The following OXR1 variants were observed in gnomAD, a reference collection of about 807,000 sequenced individuals.
OXR1 encodes the protein oxidation resistance 1, also known as oxidation resistance protein 1.
Under a neutral mutation model 104.6 loss-of-function variants are expected in OXR1, and 41 were observed. The ratio of observed to expected loss-of-function variants is 0.39; its 90% CI spans 0.31 to 0.51. The LOEUF is 0.51. OXR1 is among the 20% of genes least tolerant of loss of function. OXR1 has a pLI of 0.77. For missense variants in OXR1, 955 were observed against 1,031.9 expected (o/e 0.93, Z 1.02); for synonymous variants, 348 against 348.4 (o/e 1.00, Z 0.01).
chr8:106,286,372 GGT>G (rs1491492789), intron 1 of OXR1, among the ~76,000 whole-genome samples: 4 of 105,366 alleles, frequency 3.8e-5, no homozygotes, highest in Admixed American at 9.1e-5. Context: ...TTTAAGTTAG[GGT>G]TTTTTTTTTT....
In OXR1 at chr8:106,392,936, G is replaced by A. The variant is rs192540000; in HGVS notation, c.23+33300G>A. 6.2e-4 allele frequency among the ~76,000 whole-genome samples: 94 copies of A among 152,164 alleles called. No individual in the cohort carries two copies. The East Asian group carries it at 0.013, about 20-fold the overall frequency. On this transcript the variant is annotated intron_variant, in intron 2 of 16. Coordinates refer to ENST00000517566, the MANE Select transcript of OXR1 (RefSeq NM_001198533.2). ...TGTTCTTTAGATTTTCTTGCCATAC[G>A]CAGCTTCAAAACAATTACCCAAGCT...
At chr8:106,624,521 C>A (rs1002020401) in intron 3 of OXR1, among the ~76,000 whole-genome samples, 2 of 152,010 alleles carry the variant, frequency 1.3e-5, no homozygotes, top group African/African-American at 4.8e-5. Context: ...AGGAACAGAA[C>A]AAATACCAGT....
chr8:106,641,895 GTTGT>G (rs1416038628), intron 3 of OXR1, among the ~76,000 whole-genome samples: 3 of 152,048 alleles, frequency 2.0e-5, no homozygotes, highest in African/African-American at 7.2e-5. Flanking sequence ...TGAGGCTTGT[GTTGT>G]TTAACAATTT....
chr8:106,748,140 T>A (rs1282654008), intron 16 of OXR1, among the ~76,000 whole-genome samples: 2 of 152,244 alleles, frequency 1.3e-5, no homozygotes, highest in East Asian at 3.8e-4. Context: ...ACCATAAACT[T>A]TTTAATTCAA....
intron 3 of OXR1, among the ~76,000 whole-genome samples, chr8:106,554,395 A>C (rs1349739): frequency 0.92 from 140,647 of 152,252 alleles, 65,020 homozygotes; most frequent in East Asian, 1. Context: ...TATGTTATAT[A>C]AATTTCACCT....
intron 7 of OXR1, chr8:106,697,548 G>C: frequency 1.2e-6 from 2 of 1,611,524 alleles, no homozygotes; most frequent in Non-Finnish European, 8.5e-7. Context: ...GATTCTCCTT[G>C]GATTTCTTAG....
At chr8:106,308,294 T>C (rs1213609849) in intron 1 of OXR1, among the ~76,000 whole-genome samples, 1 of 152,138 alleles carries the variant, frequency 6.6e-6, no homozygotes, top group Admixed American at 6.5e-5. Context: ...CTCCACCTTT[T>C]TGTTTATGTA....
Position 106,438,554 on chromosome 8 carries a change from G to C in OXR1, c.23+78918G>C, listed in dbSNP as rs150646002. 3.5e-3 allele frequency among the ~76,000 whole-genome samples: 527 copies of C among 152,156 alleles called. 3 individuals carry two copies. Among genetic ancestry groups the C allele is most frequent in the African/African-American group, 0.011 (467 of 41,516 alleles). ...TATGGCTTATATGATATGGCTATTG[G>C]ATGGCACTGGGTTTCCTGCTTTGGA... is the stretch of plus-strand genomic sequence containing the variant. On this transcript the variant is annotated intron_variant, in intron 2 of 16. Transcript: ENST00000517566.
chr8:106,432,444 T>G (rs955558967), intron 2 of OXR1, among the ~76,000 whole-genome samples: 28 of 152,182 alleles, frequency 1.8e-4, no homozygotes, highest in Non-Finnish European at 7.3e-5. Flanking sequence ...TCTTTGCTGT[T>G]TAGAGAGCAC....
chr8:106,607,226 A>G (rs1049389064), intron 3 of OXR1, among the ~76,000 whole-genome samples: 15 of 152,222 alleles, frequency 9.9e-5, no homozygotes, highest in African/African-American at 3.4e-4. Context: ...AATGCCAGCC[A>G]TTCTGTCGAG....
intron 2 of OXR1, among the ~76,000 whole-genome samples, chr8:106,476,342 C>G (rs192425574): frequency 6.6e-6 from 1 of 151,876 alleles, no homozygotes; most frequent in Non-Finnish European, 1.5e-5. Flanking sequence ...TAACTCAAAG[C>G]GTTGATGAAC....
chr8:106,506,116 TTC>T (rs1210236380), intron 2 of OXR1, among the ~76,000 whole-genome samples: 1 of 152,214 alleles, frequency 6.6e-6, no homozygotes. Flanking sequence ...CCTTCAAGGT[TTC>T]TGTCATGAGC....
chr8:106,422,508 T>G (rs1022770515), intron 2 of OXR1, among the ~76,000 whole-genome samples: 8 of 142,778 alleles, frequency 5.6e-5, no homozygotes, highest in African/African-American at 2.0e-4. Flanking sequence ...TAATATTTGC[T>G]TATTTAAAGC....
chr8:106,704,906 A>G (rs1407495056), intron 8 of OXR1, among the ~76,000 whole-genome samples: 1 of 152,182 alleles, frequency 6.6e-6, no homozygotes, highest in East Asian at 1.9e-4. Flanking sequence ...GGATTGATTA[A>G]AAACAATATT....
chr8:106,564,586 C>G (rs912463894), intron 3 of OXR1, among the ~76,000 whole-genome samples: 3 of 152,160 alleles, frequency 2.0e-5, no homozygotes, highest in African/African-American at 7.2e-5. Flanking sequence ...CCTTCTGAAA[C>G]TATTCCAAAC....
intron 7 of OXR1, among the ~76,000 whole-genome samples, chr8:106,700,675 G>A (rs1284763462): frequency 6.6e-6 from 1 of 152,106 alleles, no homozygotes; most frequent in African/African-American, 2.4e-5. Flanking sequence ...AAGGTATATA[G>A]AGAATTAAAA....
At chr8:106,303,516 G>T (rs1813349309) in intron 1 of OXR1, among the ~76,000 whole-genome samples, 1 of 151,710 alleles carries the variant, frequency 6.6e-6, no homozygotes, top group South Asian at 2.1e-4. Flanking sequence ...GGGATTACAG[G>T]TGTGAGCTAC....
intron 2 of OXR1, among the ~76,000 whole-genome samples, chr8:106,458,886 T>A (rs1397141468): frequency 1.3e-5 from 2 of 152,288 alleles, no homozygotes; most frequent in East Asian, 3.9e-4. Flanking sequence ...CCTACCATTG[T>A]TTTTTGGAAG....
intron 3 of OXR1, among the ~76,000 whole-genome samples, chr8:106,597,857 T>C (rs574698302): frequency 6.6e-6 from 1 of 152,320 alleles, no homozygotes; most frequent in East Asian, 1.9e-4. Context: ...ATTTCCTCTT[T>C]ACTGCCCACA....
Sources: allele counts gnomAD v4.1 joint callset (sites outside exome capture counted in the v4.1 genomes callset), GRCh38; gene constraint gnomAD v4.1.1; transcripts MANE v1.5; gene names NCBI Gene and HGNC (gene_info 2026-07-23, HGNC 2026-07-21).